Variants in LRP1B observed in about 807,000 individuals in gnomAD.
LRP1B encodes LDL receptor related protein 1B.
LRP1B carries 217 observed loss-of-function variants against 556.6 expected under a neutral mutation model. The observed-to-expected ratio is 0.39, with a 90% CI of 0.35 to 0.44. The LOEUF (loss-of-function observed/expected upper bound fraction) is 0.44. Ranked by LOEUF, LRP1B falls within the 20% of genes least tolerant of loss-of-function variation. LRP1B has a pLI of 1.00. For missense variants in LRP1B, 5,053 were observed against 5,620.8 expected (o/e 0.90, Z 3.23); for synonymous variants, 2,047 against 1,865.8 (o/e 1.10, Z -2.50).
intron 2 of LRP1B, among the ~76,000 whole-genome samples, chr2:141,642,094 C>A (rs912959238): frequency 6.6e-6 from 1 of 152,106 alleles, no homozygotes; most frequent in Non-Finnish European, 1.5e-5. Context: ...GTAGATTTAA[C>A]GAAGCTCATT....
chr2:141,889,366 A>G (rs149513700), intron 1 of LRP1B, among the ~76,000 whole-genome samples: 174 of 152,296 alleles, frequency 1.1e-3, no homozygotes, highest in African/African-American at 4.1e-3. Flanking sequence ...TCAGCATTCA[A>G]ATTATTTGCA....
chr2:140,688,146 T>A (rs1037632170), intron 41 of LRP1B, among the ~76,000 whole-genome samples: 6 of 147,982 alleles, frequency 4.1e-5, no homozygotes, highest in Non-Finnish European at 5.9e-5. Context: ...CAGCCAATTG[T>A]TTTTTTACAC....
At chr2:141,032,287 T>C (rs886174209) in intron 11 of LRP1B, among the ~76,000 whole-genome samples, 1 of 152,124 alleles carries the variant, frequency 6.6e-6, no homozygotes. Flanking sequence ...TGATGGACTT[T>C]ATATTGTTTC....
chr2:140,531,208 C>T (rs1012303427), intron 47 of LRP1B, among the ~76,000 whole-genome samples: 14 of 152,054 alleles, frequency 9.2e-5, no homozygotes, highest in African/African-American at 3.4e-4. Flanking sequence ...ATTTATTGCT[C>T]AGTTCCTGCA....
intron 2 of LRP1B, among the ~76,000 whole-genome samples, chr2:141,676,094 A>G (rs985793526): frequency 3.9e-5 from 6 of 152,064 alleles, no homozygotes; most frequent in African/African-American, 1.4e-4. Flanking sequence ...TTATTATAAA[A>G]TACTTATGAA....
At chr2:140,331,055 G>A (rs1182730107) in intron 79 of LRP1B, among the ~76,000 whole-genome samples, 9 of 152,056 alleles carry the variant, frequency 5.9e-5, no homozygotes, top group Non-Finnish European at 1.3e-4. Context: ...ATTTGGCCCA[G>A]CAACCCCATT....
At chr2:141,921,015 A>T (rs1323000586) in intron 1 of LRP1B, among the ~76,000 whole-genome samples, 1 of 152,056 alleles carries the variant, frequency 6.6e-6, no homozygotes, top group Non-Finnish European at 1.5e-5. Flanking sequence ...TACCCCTAGC[A>T]GCCCAATCAC....
In LRP1B at chr2:140,517,852, A is replaced by G. The variant is rs143671177; in HGVS notation, c.8027-841T>C. The stretch of plus-strand genomic sequence containing the variant: ...CAGACTCCTGAATAGCTAGGACTAC[A>G]GGCTTGTGCCACCATGCCCGGCTAA... On this transcript the variant is annotated intron_variant, in intron 49 of 90. Coordinates refer to ENST00000389484, the MANE Select transcript of LRP1B (RefSeq NM_018557.3). Among the ~76,000 whole-genome samples, 803 of 151,962 alleles carry G rather than the reference A, an allele frequency of 5.3e-3. 6 individuals are homozygous for G. The highest frequency in any genetic ancestry group is 0.018 in the African/African-American group (740 of 41,456).
At chr2:142,010,949 C>T (rs1191974) in intron 1 of LRP1B, among the ~76,000 whole-genome samples, 134,330 of 152,212 alleles carry the variant, frequency 0.88, 59,638 homozygotes, top group East Asian at 0.97. Flanking sequence ...ATCTTAATTA[C>T]GACTCCTTTC....
At chr2:140,892,586 T>A (rs555621397) in intron 23 of LRP1B, among the ~76,000 whole-genome samples, 1 of 152,322 alleles carries the variant, frequency 6.6e-6, no homozygotes, top group East Asian at 1.9e-4. Context: ...TTGGTATAGA[T>A]GTAGACAGTG....
chr2:141,046,121 G>A (rs1698863257), intron 11 of LRP1B, among the ~76,000 whole-genome samples: 2 of 152,072 alleles, frequency 1.3e-5, no homozygotes, highest in African/African-American at 4.8e-5. Context: ...AAATGTTGTT[G>A]TTTTTATTTC....
chr2:140,751,673 A>G (rs1188626311), intron 35 of LRP1B, among the ~76,000 whole-genome samples: 2 of 152,214 alleles, frequency 1.3e-5, no homozygotes, highest in African/African-American at 4.8e-5. Flanking sequence ...CACCTAAGAC[A>G]TATGTCAATA....
At chr2:141,585,727 G>T (rs936374880) in intron 2 of LRP1B, among the ~76,000 whole-genome samples, 1 of 151,976 alleles carries the variant, frequency 6.6e-6, no homozygotes, top group Non-Finnish European at 1.5e-5. Context: ...TAATTATCAA[G>T]ACATTTTAAG....
intron 3 of LRP1B, among the ~76,000 whole-genome samples, chr2:141,258,733 C>T (rs2105347634): frequency 6.6e-6 from 1 of 152,166 alleles, no homozygotes; most frequent in East Asian, 1.9e-4. Flanking sequence ...TAAGTGAGTT[C>T]TCATGAGATC....
intron 2 of LRP1B, among the ~76,000 whole-genome samples, chr2:141,754,621 G>A (rs933927891): frequency 3.3e-5 from 5 of 152,052 alleles, no homozygotes; most frequent in Non-Finnish European, 4.4e-5. Context: ...TCCTGTTGAC[G>A]CAGTTTACCA....
chr2:141,900,479 C>G (rs72850843), intron 1 of LRP1B, among the ~76,000 whole-genome samples: 32,165 of 151,760 alleles, frequency 0.21, 4,071 homozygotes, highest in East Asian at 0.35. Flanking sequence ...TAATAATATT[C>G]CACATTCTTA....
At chr2:140,748,145 T>TATATTATATATTC (rs1688389761) in intron 35 of LRP1B, among the ~76,000 whole-genome samples, 1 of 137,434 alleles carries the variant, frequency 7.3e-6, no homozygotes, top group Non-Finnish European at 1.6e-5. Context: ...ATAATTCATA[T>TATATTATATATTC]ATATGTGTGT....
intron 2 of LRP1B, among the ~76,000 whole-genome samples, chr2:141,567,222 T>C (rs373633467): frequency 4.3e-4 from 65 of 152,252 alleles, no homozygotes; most frequent in African/African-American, 1.0e-3. Context: ...AGACCATGTT[T>C]CTAATTACTT....
At chr2:142,076,183 G>A (rs1705495738) in intron 1 of LRP1B, among the ~76,000 whole-genome samples, 1 of 152,038 alleles carries the variant, frequency 6.6e-6, no homozygotes, top group Non-Finnish European at 1.5e-5. Flanking sequence ...ATATTCAGTT[G>A]ATACATTAAA....
Sources: allele counts gnomAD v4.1 joint callset (sites outside exome capture counted in the v4.1 genomes callset), GRCh38; gene constraint gnomAD v4.1.1; transcripts MANE v1.5; gene names NCBI Gene and HGNC (gene_info 2026-07-23, HGNC 2026-07-21).